Variants in CDH13 observed in about 807,000 individuals in gnomAD.
The protein encoded by CDH13 is cadherin 13, also known as cadherin-13.
A neutral mutation model predicts 63.8 loss-of-function variants in CDH13; 24 were observed. The observed-to-expected ratio is 0.38, with a 90% CI of 0.27 to 0.53. The LOEUF (loss-of-function observed/expected upper bound fraction) is 0.53, where lower values mean the gene tolerates loss of function less well. CDH13 is among the 20% of genes least tolerant of loss of function. The probability of loss-of-function intolerance (pLI) is 0.85; values close to 1 mark genes in which losing one functional copy is unlikely to be tolerated. For synonymous variants in CDH13, 503 were observed against 355.3 expected (o/e 1.42, Z -4.67); for missense variants, 1,049 against 903.1 (o/e 1.16, Z -2.07).
intron 1 of CDH13, among the ~76,000 whole-genome samples, chr16:82,834,588 C>T (rs564825702): frequency 2.0e-5 from 3 of 152,268 alleles, no homozygotes; most frequent in Middle Eastern, 3.4e-3. Flanking sequence ...CACTGTGGGT[C>T]GAGTTATACT....
chr16:82,770,272 A>G (rs1487258223), intron 1 of CDH13, among the ~76,000 whole-genome samples: 1 of 152,234 alleles, frequency 6.6e-6, no homozygotes, highest in Non-Finnish European at 1.5e-5. Flanking sequence ...GTTTTTGTGC[A>G]CATTGCACTG....
At chr16:83,199,174 G>A (rs1038978800) in intron 4 of CDH13, among the ~76,000 whole-genome samples, 9 of 152,338 alleles carry the variant, frequency 5.9e-5, no homozygotes, top group African/African-American at 1.9e-4. Flanking sequence ...TCTCATGCAT[G>A]GGCCAGGGAC....
rs67534843 is a variant in CDH13, at chr16:82,950,807, C to CTTTTTT, written c.158-81190_158-81185dup. Among the ~76,000 whole-genome samples, 4 of 132,118 alleles carry CTTTTTT rather than the reference C, an allele frequency of 3.0e-5. 1 individual carries two copies. Among genetic ancestry groups the CTTTTTT allele is most frequent in the Admixed American group, 7.7e-5 (1 of 12,988 alleles). 86.7% of individuals were successfully genotyped at this position (132,118 alleles called of 152,430 possible). On this transcript the variant is annotated intron_variant, in intron 2 of 13. Transcript: ENST00000567109. ...TCACTGAGAGTTAGAACTCCCACAT[C>CTTTTTT]TTTTTTTTTTTTTTTTTTGGTGGTG...
chr16:83,592,886 C>T (rs1314810022), intron 7 of CDH13, among the ~76,000 whole-genome samples: 1 of 152,166 alleles, frequency 6.6e-6, no homozygotes, highest in East Asian at 1.9e-4. Context: ...CAAGTCAAAC[C>T]AGGCTCACCC....
At chr16:82,828,476 G>A (rs1425850174) in intron 1 of CDH13, among the ~76,000 whole-genome samples, 1 of 152,088 alleles carries the variant, frequency 6.6e-6, no homozygotes, top group African/African-American at 2.4e-5. Context: ...CCTCAGCTAG[G>A]AGTGTTGGCG....
At chr16:83,451,368 C>T (rs2072882762) in intron 6 of CDH13, among the ~76,000 whole-genome samples, 1 of 152,134 alleles carries the variant, frequency 6.6e-6, no homozygotes, top group African/African-American at 2.4e-5. Flanking sequence ...GAGACTTATT[C>T]CCTATCATGA....
At position 83,189,586 on chromosome 16, in the gene CDH13, G is replaced by A. The variant is rs572777687; in HGVS notation, c.484-27759G>A. Among the ~76,000 whole-genome samples, 33 of 152,244 alleles carry A rather than the reference G, an allele frequency of 2.2e-4. No homozygotes were observed. In the South Asian group the frequency reaches 4.8e-3, roughly 22 times the overall value. On this transcript the variant is annotated intron_variant, in intron 4 of 13. Coordinates refer to ENST00000567109, the MANE Select transcript of CDH13 (RefSeq NM_001257.5). Reference sequence around the variant, plus strand: ...GTCAGGAAATCCAAAGGTGCATCTGGCTTTAGGACAGCTGGATCCAGGCCT... The same window carrying A: ...GTCAGGAAATCCAAAGGTGCATCTGACTTTAGGACAGCTGGATCCAGGCCT...
chr16:83,625,679 G>A (rs949706298), intron 8 of CDH13, among the ~76,000 whole-genome samples: 3 of 152,196 alleles, frequency 2.0e-5, no homozygotes, highest in Non-Finnish European at 2.9e-5. Context: ...ATTAGCTGGA[G>A]CACATCTGAC....
At chr16:83,240,152 C>A (rs1346988574) in intron 5 of CDH13, among the ~76,000 whole-genome samples, 3 of 152,068 alleles carry the variant, frequency 2.0e-5, no homozygotes, top group Non-Finnish European at 4.4e-5. Context: ...GCTGCTCTGC[C>A]TTTGTTGGTG....
intron 2 of CDH13, among the ~76,000 whole-genome samples, chr16:82,936,273 A>T (rs1309609957): frequency 6.6e-6 from 1 of 152,176 alleles, no homozygotes; most frequent in African/African-American, 2.4e-5. Flanking sequence ...TTTTTATTAA[A>T]AAGAAAAGCC....
rs151186567 is a variant in CDH13 at position 83,394,872 on chromosome 16, G to T, written c.781+49866G>T. 5.3e-5 allele frequency among the ~76,000 whole-genome samples: 8 copies of T among 152,098 alleles called. No homozygotes were observed. The East Asian group carries it at 7.8e-4, about 15-fold the overall frequency. ...GAAAGAAAAGTCAAGGAAGGGCCAG[G>T]CACAGTGGCTCATGCCTGTAATCCC... is the stretch of plus-strand genomic sequence containing the variant. On this transcript the variant is annotated intron_variant, in intron 6 of 13. Coordinates refer to ENST00000567109, the MANE Select transcript of CDH13 (RefSeq NM_001257.5).
chr16:83,637,055 C>T (rs1182910774), intron 8 of CDH13, among the ~76,000 whole-genome samples: 1 of 152,120 alleles, frequency 6.6e-6, no homozygotes, highest in Non-Finnish European at 1.5e-5. Context: ...ATTCATATGT[C>T]TTCTCTTGAG....
chr16:83,139,757 A>C (rs977909091), intron 4 of CDH13, among the ~76,000 whole-genome samples: 10 of 152,138 alleles, frequency 6.6e-5, no homozygotes, highest in Non-Finnish European at 1.3e-4. Flanking sequence ...TAATCCCAGC[A>C]CTTTGGGAGG....
chr16:82,888,450 G>A (rs1469879820), intron 2 of CDH13, among the ~76,000 whole-genome samples: 2 of 152,216 alleles, frequency 1.3e-5, no homozygotes, highest in Non-Finnish European at 2.9e-5. Flanking sequence ...AGAATGGCAA[G>A]TACAGGGCAA....
intron 1 of CDH13, among the ~76,000 whole-genome samples, chr16:82,675,590 C>T (rs1024154675): frequency 6.6e-6 from 1 of 152,188 alleles, no homozygotes; most frequent in Non-Finnish European, 1.5e-5. Flanking sequence ...GTTAAAGATG[C>T]TTTTCTAAGT....
At chr16:83,045,096 A>G (rs965235970) in intron 3 of CDH13, among the ~76,000 whole-genome samples, 3 of 152,208 alleles carry the variant, frequency 2.0e-5, no homozygotes, top group African/African-American at 7.2e-5. Context: ...ATACTTGGTC[A>G]CTGCCGGCTT....
At chr16:83,290,200 C>T (rs2089432452) in intron 5 of CDH13, among the ~76,000 whole-genome samples, 1 of 152,212 alleles carries the variant, frequency 6.6e-6, no homozygotes, top group Non-Finnish European at 1.5e-5. Context: ...GAACTAACCA[C>T]ATTCAATTCT....
At chr16:83,208,093 A>C (rs1232975175) in intron 4 of CDH13, among the ~76,000 whole-genome samples, 1 of 152,096 alleles carries the variant, frequency 6.6e-6, no homozygotes, top group African/African-American at 2.4e-5. Context: ...TTGGTGATGA[A>C]CACAGACAGC....
chr16:82,681,645 G>A (rs1914560160), intron 1 of CDH13, among the ~76,000 whole-genome samples: 1 of 152,206 alleles, frequency 6.6e-6, no homozygotes, highest in East Asian at 1.9e-4. Context: ...TGCTCCTGGT[G>A]CCCCCGTTGC....
Sources: gnomAD v4.1 joint callset for allele counts (sites outside exome capture counted in the v4.1 genomes callset) on GRCh38, gnomAD v4.1.1 for gene constraint, MANE v1.5 for transcripts, NCBI Gene and HGNC (gene_info 2026-07-23, HGNC 2026-07-21) for gene names.